SCRT1: variants seen among roughly 807,000 people sequenced by gnomAD.
SCRT1 encodes the protein scratch family transcriptional repressor 1.
Under a neutral mutation model 3.4 loss-of-function variants are expected in SCRT1, and 1 was observed. The observed-to-expected ratio is 0.29, with a 90% confidence interval of 0.10 to 1.39. The LOEUF is 1.39. Among genes scored for constraint, SCRT1 ranks in the 40% most tolerant of loss-of-function variants. SCRT1 has a pLI of 0.42. For missense variants in SCRT1, 380 were observed against 526.3 expected (o/e 0.72, Z 2.72); for synonymous variants, 238 against 247.0 (o/e 0.96, Z 0.34).
In SCRT1 at chr8:144,333,101, G is replaced by A. The variant is rs1269794637; in HGVS notation, c.*84C>T. 3 of 1,213,796 alleles carry A rather than the reference G, an allele frequency of 2.5e-6. No individual in the cohort carries two copies. The African/African-American group carries it at 4.7e-5, about 19-fold the overall frequency. 75.2% of individuals were successfully genotyped at this position (1,213,796 alleles called of 1,614,324 possible). A position where few individuals can be genotyped will look rare whatever the true frequency, so the allele number is the denominator to read the frequency against. On this transcript the variant is annotated 3_prime_UTR_variant, in exon 2 of 2. Coordinates refer to ENST00000569446, the MANE Select transcript of SCRT1 (RefSeq NM_031309.6). ...GCTGTGAGGAGGGGCCCGCCCTCCG[G>A]CCCCTCCACCCGGACGCCAGCGAAG...
chr8:144,332,790 A>C lies in SCRT1; in HGVS notation c.*395T>G. On this transcript the variant is annotated 3_prime_UTR_variant, in exon 2 of 2. Coordinates refer to ENST00000569446, the MANE Select transcript of SCRT1 (RefSeq NM_031309.6). ...AGGCCCTGCGCTAGAAGGCTTGGGA[A>C]GGGGTGGGGAAGACCTGAGTCCCTG... 6.0e-6 allele frequency: 1 copy of C among 166,992 alleles called. No individual in the cohort carries two copies. The highest frequency in any genetic ancestry group is 1.3e-5 in the Non-Finnish European group (1 of 77,972). 10.3% of individuals were successfully genotyped at this position (166,992 alleles called of 1,614,324 possible). A position where few individuals can be genotyped will look rare whatever the true frequency, so the allele number is the denominator to read the frequency against.
In SCRT1 at chr8:144,336,409, C is replaced by T. The variant is rs983368577; in HGVS notation, c.-240G>A. The T allele has an allele frequency of 2.1e-5, 9 of 437,866 alleles. No homozygotes were observed. The Admixed American group carries it at 2.2e-4, about 11-fold the overall frequency. 27.1% of individuals were successfully genotyped at this position (437,866 alleles called of 1,614,324 possible). A position where few individuals can be genotyped will look rare whatever the true frequency, so the allele number is the denominator to read the frequency against. ...TCCTTCCTTCCTTCCTTCAATCCTT[C>T]CTTCCTTCTCTCCTCTTCTCTCCTC... On this transcript the variant is annotated 5_prime_UTR_variant, in exon 1 of 2. Coordinates refer to ENST00000569446, the MANE Select transcript of SCRT1 (RefSeq NM_031309.6). The surrounding 1 kb of genome is among the most constrained non-coding windows in gnomAD (Gnocchi z 6.8).
chr8:144,331,654 A>C lies in SCRT1; in HGVS notation c.*1531T>G, dbSNP rs1588692699. ...GAGGGGTCTTGGGGGCAACCACCCC[A>C]CCCCCGCCCATGGAACCATTACAGC... On this transcript the variant is annotated 3_prime_UTR_variant, in exon 2 of 2. Transcript: ENST00000569446. 6.6e-6 allele frequency: 1 copy of C among 150,508 alleles called. No homozygotes were observed. Among genetic ancestry groups the C allele is most frequent in the African/African-American group, 2.5e-5 (1 of 40,760 alleles). 9.3% of individuals were successfully genotyped at this position (150,508 alleles called of 1,614,324 possible).
chr8:144,332,005 AC>A lies in SCRT1; in HGVS notation c.*1179del, dbSNP rs1817771572. 1 of 138,874 alleles carries A rather than the reference AC, an allele frequency of 7.2e-6. No individual in the cohort carries two copies. The highest frequency in any genetic ancestry group is 7.1e-5 in the Admixed American group (1 of 13,994). The allele number at this position is 138,874 out of a possible 1,614,324, so 8.6% of individuals were successfully genotyped here. A position where few individuals can be genotyped will look rare whatever the true frequency, so the allele number is the denominator to read the frequency against. On this transcript the variant is annotated 3_prime_UTR_variant, in exon 2 of 2. Coordinates refer to ENST00000569446, the MANE Select transcript of SCRT1 (RefSeq NM_031309.6). ...GGTCGCCGCCGAGGCTTTGGCATAGACGGGCGAAAGTTGGCAACCGAGTGGG... is the reference window on the plus strand; with the variant it reads ...GGTCGCCGCCGAGGCTTTGGCATAGAGGGCGAAAGTTGGCAACCGAGTGGG...
At position 144,331,734 on chromosome 8, in the gene SCRT1, G is replaced by C. The variant is rs868975544; in HGVS notation, c.*1451C>G. The stretch of plus-strand genomic sequence containing the variant: ...GGGTGGGGAGAAAGTCTGCGCGGCC[G>C]GCCCCGCGCAGCGTCCCTGATCTAG... On this transcript the variant is annotated 3_prime_UTR_variant, in exon 2 of 2. Coordinates refer to ENST00000569446, the MANE Select transcript of SCRT1 (RefSeq NM_031309.6). The C allele has an allele frequency of 6.6e-6, 1 of 152,348 alleles. No homozygotes were observed. The highest frequency in any genetic ancestry group is 1.5e-5 in the Non-Finnish European group (1 of 68,014). The allele number at this position is 152,348 out of a possible 1,614,324, so 9.4% of individuals were successfully genotyped here.
At position 144,331,471 on chromosome 8, in the gene SCRT1, C is replaced by T. The variant is rs574526983; in HGVS notation, c.*1714G>A. 1.3e-5 allele frequency: 2 copies of T among 152,530 alleles called. No homozygotes were observed. The highest frequency in any genetic ancestry group is 4.8e-5 in the African/African-American group (2 of 41,570). The allele number at this position is 152,530 out of a possible 1,614,324, so 9.4% of individuals were successfully genotyped here. A position where few individuals can be genotyped will look rare whatever the true frequency, so the allele number is the denominator to read the frequency against. On this transcript the variant is annotated 3_prime_UTR_variant, in exon 2 of 2. Transcript: ENST00000569446. ...ATGTGAACCTAGGGACCTGGTCTCT[C>T]TGCATCTGCCGTTCTTCCCTGGCCC...
rs1452514405 is a variant in SCRT1 at position 144,335,858 on chromosome 8, C to T, written c.115+197G>A. ...TTCCCCACCCTCTGTCCAACGTCGA[C>T]ACTCTCCCTGCCCAGCCTTGGCCTC... On this transcript the variant is annotated intron_variant, in intron 1 of 1. Transcript: ENST00000569446. The surrounding 1 kb of genome is among the most constrained non-coding windows in gnomAD (Gnocchi z 7.7). 3.3e-5 allele frequency among the ~76,000 whole-genome samples: 5 copies of T among 152,358 alleles called. No homozygotes were observed. In the East Asian group the frequency reaches 9.6e-4, roughly 29 times the overall value.
In SCRT1 at chr8:144,334,124, C is replaced by T. The variant is rs1254864685; in HGVS notation, c.116-8G>A. Reference sequence around the variant, plus strand: ...CGTAGTCGCTGAGGTACCCTGCGGGCGGAGGCGGACGGACAGCGGGAAGGG... The same window carrying T: ...CGTAGTCGCTGAGGTACCCTGCGGGTGGAGGCGGACGGACAGCGGGAAGGG... On this transcript the variant is annotated splice_polypyrimidine_tract_variant and splice_region_variant and intron_variant, in intron 1 of 1. Transcript: ENST00000569446. 5 of 1,244,498 alleles carry T rather than the reference C, an allele frequency of 4.0e-6. No individual in the cohort carries two copies. Among genetic ancestry groups the T allele is most frequent in the Non-Finnish European group, 5.1e-6 (5 of 972,740 alleles). The allele number at this position is 1,244,498 out of a possible 1,614,324, so 77.1% of individuals were successfully genotyped here.
In SCRT1 at chr8:144,333,846, G is replaced by A; in HGVS notation, c.386C>T (p.Ser129Phe). The A allele has an allele frequency of 8.1e-7, 1 of 1,239,582 alleles. No homozygotes were observed. The highest frequency in any genetic ancestry group is 1.0e-6 in the Non-Finnish European group (1 of 992,076). 76.8% of individuals were successfully genotyped at this position (1,239,582 alleles called of 1,614,324 possible). A position where few individuals can be genotyped will look rare whatever the true frequency, so the allele number is the denominator to read the frequency against. Residue 129 changes from serine to phenylalanine, a missense_variant, in exon 2 of 2, where the codon TCC becomes TTC. This residue lies in a region of SCRT1 where 115 missense variants were observed against 107.3 expected (regional missense o/e 1.07). Transcript: ENST00000569446. ...GGGAGCGGCGGCAGCGCCGGCATTGGAAGCCTTACGCCGCGAGCGCCCGTC... is the reference window on the plus strand; with the variant it reads ...GGGAGCGGCGGCAGCGCCGGCATTGAAAGCCTTACGCCGCGAGCGCCCGTC... ...ITDGRSRRKASNAGAAAAPST... is the reference protein window; with the variant it reads ...ITDGRSRRKAFNAGAAAAPST...
chr8:144,335,777 CATGGGTCAGGAT>C lies in SCRT1; in HGVS notation c.115+266_115+277del, dbSNP rs1180122734. Among the ~76,000 whole-genome samples, 1 of 152,232 alleles carries C rather than the reference CATGGGTCAGGAT, an allele frequency of 6.6e-6. No homozygotes were observed. The highest frequency in any genetic ancestry group is 1.5e-5 in the Non-Finnish European group (1 of 68,038). On this transcript the variant is annotated intron_variant, in intron 1 of 1. Transcript: ENST00000569446. The surrounding 1 kb of genome is among the most constrained non-coding windows in gnomAD (Gnocchi z 7.7). ...GCCCATGCGGCTGTGTCTGTCCCAG[CATGGGTCAGGAT>C]GTGGGTCCATGTGTGCGTTTGGGTA...
rs1330229694 is a variant in SCRT1 at position 144,336,152 on chromosome 8, C to T, written c.18G>A (p.Leu6=). 2.3e-5 allele frequency: 37 copies of T among 1,605,984 alleles called. No homozygotes were observed. The highest frequency in any genetic ancestry group is 3.1e-5 in the Non-Finnish European group (37 of 1,176,386). The change falls in exon 1 of 2, where the codon CTG becomes CTA. Residue 6 remains leucine, a synonymous_variant. Transcript: ENST00000569446. This position sits in a 1 kb window ranked among gnomAD's most constrained non-coding sequence, Gnocchi z 6.8. ...ACGCGTCAAGTTTGACCTTCTTGAC[C>T]AGGAAGGACCTGGGCATGATTCCTG... MPRSF[L]VKKVKLDAFS... is the part of the protein sequence containing the mutation.
In SCRT1 at chr8:144,333,477, A is replaced by T; in HGVS notation, c.755T>A (p.Val252Glu). Residue 252 changes from valine to glutamate, a missense_variant, in exon 2 of 2, where the codon GTG becomes GAG. By Grantham distance (121) the Val-to-Glu change is moderately radical. This residue lies in a region of SCRT1 where 56 missense variants were observed against 169.3 expected (regional missense o/e 0.33). Transcript: ENST00000569446. ...GGGCCGCGAGAAGGCTTTGCCGCACACGCCGCACTTGTGGCGCAGGTCGTG... is the reference window on the plus strand; with the variant it reads ...GGGCCGCGAGAAGGCTTTGCCGCACTCGCCGCACTTGTGGCGCAGGTCGTG... ...LTHDLRHKCGVCGKAFSRPWL... is the reference protein window; with the variant it reads ...LTHDLRHKCGECGKAFSRPWL... The T allele has an allele frequency of 6.2e-7, 1 of 1,603,624 alleles. No individual in the cohort carries two copies. Among genetic ancestry groups the T allele is most frequent in the South Asian group, 1.1e-5 (1 of 90,204 alleles).
intron 1 of SCRT1, 69 bp from the exon 2 acceptor site, chr8:144,334,185 G>A (rs1817850735): frequency 1.2e-6 from 1 of 868,690 alleles, no homozygotes; most frequent in South Asian, 1.6e-5. Context: ...GGGGGATGGG[G>A]GGGCGGGAGA....
In SCRT1 at chr8:144,331,133, T is replaced by C. The variant is rs979341429; in HGVS notation, c.*2052A>G. 3 of 152,390 alleles carry C rather than the reference T, an allele frequency of 2.0e-5. No homozygotes were observed. Among genetic ancestry groups the C allele is most frequent in the Non-Finnish European group, 4.4e-5 (3 of 68,068 alleles). The allele number at this position is 152,390 out of a possible 1,614,324, so 9.4% of individuals were successfully genotyped here. A position where few individuals can be genotyped will look rare whatever the true frequency, so the allele number is the denominator to read the frequency against. ...TGTGCAGGCACCACACCTGGTTGTG[T>C]AGGGTGTTTGGATGTGGGCACTGCT... On this transcript the variant is annotated 3_prime_UTR_variant, in exon 2 of 2. Coordinates refer to ENST00000569446, the MANE Select transcript of SCRT1 (RefSeq NM_031309.6).
Position 144,336,304 on chromosome 8 carries a change from G to A in SCRT1, c.-135C>T. The A allele has an allele frequency of 1.6e-6, 1 of 611,780 alleles. No homozygotes were observed. The highest frequency in any genetic ancestry group is 2.1e-5 in the South Asian group (1 of 48,184). The allele number at this position is 611,780 out of a possible 1,614,324, so 37.9% of individuals were successfully genotyped here. On this transcript the variant is annotated 5_prime_UTR_variant, in exon 1 of 2. Transcript: ENST00000569446. The surrounding 1 kb of genome is among the most constrained non-coding windows in gnomAD (Gnocchi z 6.8). ...CACTCTGGCCTTTGGATGCTGCCGC[G>A]CGAGTGGTGTCCTCTCTCCTTGCTG...
At chr8:144,334,595 C>T (rs1291741217) in intron 1 of SCRT1, among the ~76,000 whole-genome samples, 2 of 152,008 alleles carry the variant, frequency 1.3e-5, no homozygotes, top group African/African-American at 4.8e-5. Context: ...CCCGTCTGTC[C>T]CACCTCTCCG....
Position 144,336,253 on chromosome 8 carries a change from G to A in SCRT1, c.-84C>T. The A allele has an allele frequency of 9.8e-7, 1 of 1,019,362 alleles. No homozygotes were observed. Among genetic ancestry groups the A allele is most frequent in the Non-Finnish European group, 1.4e-6 (1 of 706,464 alleles). The allele number at this position is 1,019,362 out of a possible 1,614,324, so 63.1% of individuals were successfully genotyped here. The stretch of plus-strand genomic sequence containing the variant: ...GCGGCAGGGCCCCGTCACCATCCGA[G>A]GAGCGGCGGAGGCAGCGCGGGTCCC... On this transcript the variant is annotated 5_prime_UTR_variant, in exon 1 of 2. Coordinates refer to ENST00000569446, the MANE Select transcript of SCRT1 (RefSeq NM_031309.6). The surrounding 1 kb of genome is among the most constrained non-coding windows in gnomAD (Gnocchi z 6.8).
Position 144,335,573 on chromosome 8 carries a change from C to T in SCRT1, c.115+482G>A, listed in dbSNP as rs1295940243. Among the ~76,000 whole-genome samples, 3 of 152,234 alleles carry T rather than the reference C, an allele frequency of 2.0e-5. No individual in the cohort carries two copies. The highest frequency in any genetic ancestry group is 4.4e-5 in the Non-Finnish European group (3 of 68,036). On this transcript the variant is annotated intron_variant, in intron 1 of 1. Transcript: ENST00000569446. This position sits in a 1 kb window ranked among gnomAD's most constrained non-coding sequence, Gnocchi z 7.7. The stretch of plus-strand genomic sequence containing the variant: ...CTGCTGCCTCTGCTGGCCCTCTGCT[C>T]TGACAGGTGGGCGGCCCTGTTGGAC...
chr8:144,331,708 G>C lies in SCRT1; in HGVS notation c.*1477C>G, dbSNP rs570314665. On this transcript the variant is annotated 3_prime_UTR_variant, in exon 2 of 2. Coordinates refer to ENST00000569446, the MANE Select transcript of SCRT1 (RefSeq NM_031309.6). ...CGGGCTCTGCCGTGGGGGTCGGGGA[G>C]GGGTGGGGAGAAAGTCTGCGCGGCC... 2 of 152,492 alleles carry C rather than the reference G, an allele frequency of 1.3e-5. No individual in the cohort carries two copies. Among genetic ancestry groups the C allele is most frequent in the East Asian group, 1.9e-4 (1 of 5,176 alleles). The allele number at this position is 152,492 out of a possible 1,614,324, so 9.4% of individuals were successfully genotyped here.
Sources: gnomAD v4.1 joint callset for allele counts (sites outside exome capture counted in the v4.1 genomes callset) on GRCh38, gnomAD v4.1.1 for gene constraint, gnomAD v4.1.1 regional missense constraint, Gnocchi (gnomAD v3.1) non-coding constraint, MANE v1.5 for transcripts, NCBI Gene and HGNC (gene_info 2026-07-23, HGNC 2026-07-21) for gene names.